Variants in GPC6 observed in about 807,000 individuals in gnomAD.
The protein encoded by GPC6 is glypican 6.
In GPC6, 14 loss-of-function variants were observed where a neutral mutation model predicts 55.2. The ratio of observed to expected loss-of-function variants is 0.25; its 90% confidence interval spans 0.17 to 0.40. The LOEUF is 0.40. Among genes scored for constraint, GPC6 ranks in the 10% least tolerant of loss-of-function variants. The pLI is 1.00. For synonymous variants in GPC6, 278 were observed against 259.6 expected, an observed-to-expected ratio of 1.07 and a Z score of -0.68; for missense variants, 641 against 708.5, an observed-to-expected ratio of 0.90 and a Z score of 1.08.
chr13:93,860,965 G>A lies in GPC6; in HGVS notation c.711+30420G>A, dbSNP rs185656113. On this transcript the variant is annotated intron_variant, in intron 3 of 8. Coordinates refer to ENST00000377047, the MANE Select transcript of GPC6 (RefSeq NM_005708.5). ...CATTCTGGGTTTGCATGCAGGACTTGGAACTTCTACCTTCTAGTTGGGGAC... is the reference window on the plus strand; with the variant it reads ...CATTCTGGGTTTGCATGCAGGACTTAGAACTTCTACCTTCTAGTTGGGGAC... Among the ~76,000 whole-genome samples the A allele has an allele frequency of 6.5e-4, 98 of 151,580 alleles. 2 individuals are homozygous for A. Among genetic ancestry groups the A allele is most frequent in the Admixed American group, 5.8e-3 (88 of 15,170 alleles).
chr13:93,227,057 A>T lies in GPC6; in HGVS notation c.-400A>T. The T allele has an allele frequency of 6.2e-6, 1 of 161,140 alleles. No homozygotes were observed. The allele number at this position is 161,140 out of a possible 1,614,324, so 10.0% of individuals were successfully genotyped here. A position where few individuals can be genotyped will look rare whatever the true frequency, so the allele number is the denominator to read the frequency against. On this transcript the variant is annotated 5_prime_UTR_variant, in exon 1 of 9. Coordinates refer to ENST00000377047, the MANE Select transcript of GPC6 (RefSeq NM_005708.5). The surrounding 1 kb of genome is among the most constrained non-coding windows in gnomAD (Gnocchi z 4.3). Reference sequence around the variant, plus strand: ...CCCGGGGGAGCCGGCGCGCGCTCCCACCTTTGCCGCACACTCCGGCGAGCC... The same window carrying T: ...CCCGGGGGAGCCGGCGCGCGCTCCCTCCTTTGCCGCACACTCCGGCGAGCC...
At chr13:94,314,003 TATTG>T (rs1436861137) in intron 6 of GPC6, among the ~76,000 whole-genome samples, 2 of 152,198 alleles carry the variant, frequency 1.3e-5, no homozygotes, top group African/African-American at 4.8e-5. Context: ...ATCAATAAAT[TATTG>T]ATTGAGTTAT....
intron 1 of GPC6, among the ~76,000 whole-genome samples, chr13:93,451,787 A>G (rs546268003): frequency 2.4e-4 from 37 of 152,210 alleles, no homozygotes; most frequent in Non-Finnish European, 4.4e-4. Context: ...GGGATCAGGT[A>G]CTTTCGGGTT....
At chr13:94,359,581 A>G (rs1488885243) in intron 6 of GPC6, among the ~76,000 whole-genome samples, 2 of 152,204 alleles carry the variant, frequency 1.3e-5, no homozygotes, top group Non-Finnish European at 2.9e-5. Context: ...CAAAGAAGTA[A>G]TAGAAAAGCA....
chr13:93,447,382 C>A (rs1164117299), intron 1 of GPC6, among the ~76,000 whole-genome samples: 2 of 152,126 alleles, frequency 1.3e-5, no homozygotes, highest in African/African-American at 2.4e-5. Flanking sequence ...TTTTGCCCAT[C>A]ATCAGCATGT....
At chr13:94,266,160 T>TTTTTTTG (rs1555313268) in intron 4 of GPC6, among the ~76,000 whole-genome samples, 2 of 148,186 alleles carry the variant, frequency 1.3e-5, no homozygotes, top group Non-Finnish European at 3.0e-5. Flanking sequence ...TCTTTTTTTT[T>TTTTTTTG]TTTGTTTGTT....
intron 1 of GPC6, among the ~76,000 whole-genome samples, chr13:93,333,836 C>T (rs1280491785): frequency 6.6e-6 from 1 of 152,162 alleles, no homozygotes. Context: ...GTGTGCCAAG[C>T]CACCAAACGC....
At chr13:93,670,698 T>G (rs1881324183) in intron 2 of GPC6, among the ~76,000 whole-genome samples, 1 of 152,310 alleles carries the variant, frequency 6.6e-6, no homozygotes, top group South Asian at 2.1e-4. Context: ...CCAGATGTAA[T>G]AAATGCTTCA....
chr13:93,342,189 A>G (rs183095270), intron 1 of GPC6, among the ~76,000 whole-genome samples: 11 of 152,192 alleles, frequency 7.2e-5, no homozygotes, highest in Non-Finnish European at 1.3e-4. Context: ...CAGATTTTTG[A>G]TGTAGGTTCT....
At chr13:93,575,634 C>A (rs1246187274) in intron 2 of GPC6, among the ~76,000 whole-genome samples, 1 of 152,148 alleles carries the variant, frequency 6.6e-6, no homozygotes, top group Non-Finnish European at 1.5e-5. Context: ...TCATTTCCTG[C>A]CTTCTTCTCA....
At chr13:93,400,389 T>C (rs770215411) in intron 1 of GPC6, among the ~76,000 whole-genome samples, 2 of 150,230 alleles carry the variant, frequency 1.3e-5, no homozygotes, top group Non-Finnish European at 3.0e-5. Context: ...TTAGAATCCA[T>C]TGGGGATACT....
chr13:94,300,702 T>C (rs2139104529), intron 5 of GPC6, among the ~76,000 whole-genome samples: 1 of 152,310 alleles, frequency 6.6e-6, no homozygotes, highest in Non-Finnish European at 1.5e-5. Context: ...AATTATCTAA[T>C]TATCACTTTC....
chr13:94,240,254 C>T (rs1311739640), intron 4 of GPC6, among the ~76,000 whole-genome samples: 2 of 152,100 alleles, frequency 1.3e-5, no homozygotes, highest in African/African-American at 2.4e-5. Flanking sequence ...CATAGGCAAC[C>T]GCCCTGGGGC....
At chr13:93,289,410 A>G (rs1410386577) in intron 1 of GPC6, among the ~76,000 whole-genome samples, 2 of 152,164 alleles carry the variant, frequency 1.3e-5, no homozygotes, top group Admixed American at 6.5e-5. Context: ...CAAATTGATT[A>G]TTTTTTGGTA....
At chr13:93,627,561 G>A (rs1432522431) in intron 2 of GPC6, among the ~76,000 whole-genome samples, 1 of 152,114 alleles carries the variant, frequency 6.6e-6, no homozygotes, top group Non-Finnish European at 1.5e-5. Context: ...TAATTCACAA[G>A]CTACATCCCT....
chr13:93,218,913 T>A, the GPC6 span, among the ~76,000 whole-genome samples: 3 of 152,138 alleles, frequency 2.0e-5, no homozygotes, highest in Admixed American at 6.5e-5. Flanking sequence ...AATGGCCTAA[T>A]AGATGACATT....
chr13:93,442,853 A>G (rs1271836226), intron 1 of GPC6, among the ~76,000 whole-genome samples: 5 of 152,160 alleles, frequency 3.3e-5, no homozygotes, highest in Admixed American at 2.0e-4. Flanking sequence ...TTATCCCCTA[A>G]CTATACCTAT....
chr13:94,020,813 G>A (rs73544019), intron 3 of GPC6, among the ~76,000 whole-genome samples: 4,010 of 152,136 alleles, frequency 0.026, 183 homozygotes, highest in African/African-American at 0.09. Flanking sequence ...GATGAATGAA[G>A]GTTGCACAAA....
chr13:93,667,980 C>T lies in GPC6; in HGVS notation c.319+122559C>T, dbSNP rs141818334. ...GTCATTTGACTTGCATGATAGACAC[C>T]GTGGGCTATTTTTTGAGTTTAGATT... On this transcript the variant is annotated intron_variant, in intron 2 of 8. Coordinates refer to ENST00000377047, the MANE Select transcript of GPC6 (RefSeq NM_005708.5). 3.3e-3 allele frequency among the ~76,000 whole-genome samples: 496 copies of T among 152,140 alleles called. 4 individuals carry two copies. The highest frequency in any genetic ancestry group is 4.8e-3 in the Non-Finnish European group (327 of 67,994).
Sources: allele counts gnomAD v4.1 joint callset (sites outside exome capture counted in the v4.1 genomes callset), GRCh38; gene constraint gnomAD v4.1.1; non-coding constraint Gnocchi (gnomAD v3.1); transcripts MANE v1.5; gene names NCBI Gene and HGNC (gene_info 2026-07-23, HGNC 2026-07-21).